RBFOX1: variants seen among roughly 807,000 people sequenced by gnomAD.
RBFOX1 encodes the protein RNA binding protein fox-1 homolog 1.
In RBFOX1, 8 loss-of-function variants were observed where a neutral mutation model predicts 57.7. The ratio of observed to expected loss-of-function variants is 0.14; its 90% CI spans 0.08 to 0.25. The LOEUF (loss-of-function observed/expected upper bound fraction) is 0.25, where lower values mean the gene tolerates loss of function less well. RBFOX1 is among the 10% of genes least tolerant of loss of function. The pLI, the probability that RBFOX1 is intolerant of heterozygous loss-of-function variation, is 1.00. For synonymous variants in RBFOX1, 326 were observed against 222.4 expected (o/e 1.47, Z -4.15); for missense variants, 611 against 548.5 (o/e 1.11, Z -1.14).
At chr16:7,437,633 T>A (rs1336795684) in intron 4 of RBFOX1, among the ~76,000 whole-genome samples, 1 of 152,110 alleles carries the variant, frequency 6.6e-6, no homozygotes, top group South Asian at 2.1e-4. Context: ...AGGCTGTAAT[T>A]AGAATAAGTC....
At chr16:6,353,225 C>T (rs967702859) in intron 2 of RBFOX1, among the ~76,000 whole-genome samples, 3 of 152,032 alleles carry the variant, frequency 2.0e-5, no homozygotes, top group African/African-American at 4.8e-5. Context: ...GAAATGCTGC[C>T]GCTTTTATCA....
rs558771352 is a variant in RBFOX1 at position 7,255,699 on chromosome 16, A to C, written c.27+203601A>C. ...TTTTAGTGGTTGAATTAAAAAAATAAATGCATGAAATGTTTGTTTTAATAA... is the reference window on the plus strand; with the variant it reads ...TTTTAGTGGTTGAATTAAAAAAATACATGCATGAAATGTTTGTTTTAATAA... On this transcript the variant is annotated intron_variant, in intron 4 of 15. Transcript: ENST00000550418. 2.5e-3 allele frequency among the ~76,000 whole-genome samples: 384 copies of C among 152,370 alleles called. 1 individual carries two copies. The highest frequency in any genetic ancestry group is 5.9e-3 in the African/African-American group (247 of 41,596).
At chr16:6,946,035 C>T (rs988904350) in intron 3 of RBFOX1, among the ~76,000 whole-genome samples, 1 of 152,212 alleles carries the variant, frequency 6.6e-6, no homozygotes, top group African/African-American at 2.4e-5. Flanking sequence ...TACACAGATG[C>T]TTCACTGGAA....
chr16:5,945,374 C>G (rs1288998050), intron 4 of RBFOX1, among the ~76,000 whole-genome samples: 2 of 152,148 alleles, frequency 1.3e-5, no homozygotes, highest in African/African-American at 4.8e-5. Flanking sequence ...AGCCATTATA[C>G]TTTGAGGAAT....
intron 2 of RBFOX1, among the ~76,000 whole-genome samples, chr16:6,362,523 G>C (rs142145611): frequency 2.6e-4 from 39 of 152,300 alleles, no homozygotes; most frequent in Middle Eastern, 3.4e-3. Flanking sequence ...GCATTTGTGT[G>C]CCAGGACATA....
At chr16:7,155,493 G>A (rs903973994) in intron 4 of RBFOX1, among the ~76,000 whole-genome samples, 1 of 151,436 alleles carries the variant, frequency 6.6e-6, no homozygotes, top group Non-Finnish European at 1.5e-5. Context: ...CTCCTTGGGA[G>A]GCTAAAATGG....
chr16:7,503,927 A>C (rs551112817), intron 4 of RBFOX1, among the ~76,000 whole-genome samples: 1 of 152,180 alleles, frequency 6.6e-6, no homozygotes, highest in African/African-American at 2.4e-5. Flanking sequence ...AGTACTTACT[A>C]CAGCTGAGCT....
intron 3 of RBFOX1, among the ~76,000 whole-genome samples, chr16:5,812,557 C>T (rs922998887): frequency 2.0e-5 from 3 of 151,060 alleles, no homozygotes; most frequent in African/African-American, 7.3e-5. Context: ...CTCCTGGGCT[C>T]AGGGGGATCT....
chr16:6,815,549 G>C (rs889745181), intron 3 of RBFOX1, among the ~76,000 whole-genome samples: 5 of 152,168 alleles, frequency 3.3e-5, no homozygotes, highest in African/African-American at 4.8e-5. Flanking sequence ...CATTATGCCA[G>C]TCTCTATCCA....
At chr16:5,484,336 C>A (rs1269562080) in intron 2 of RBFOX1, among the ~76,000 whole-genome samples, 5 of 152,214 alleles carry the variant, frequency 3.3e-5, no homozygotes, top group African/African-American at 1.2e-4. Context: ...ACAAACCCCT[C>A]CAGTAAGCAG....
chr16:7,135,123 T>C (rs1416617541), intron 4 of RBFOX1, among the ~76,000 whole-genome samples: 2 of 152,188 alleles, frequency 1.3e-5, no homozygotes, highest in East Asian at 3.8e-4. Context: ...ATGTCTGTTC[T>C]GTATGTTAGA....
intron 5 of RBFOX1, among the ~76,000 whole-genome samples, chr16:7,550,955 A>G (rs1025959469): frequency 1.3e-5 from 2 of 151,838 alleles, no homozygotes; most frequent in Admixed American, 1.3e-4. Flanking sequence ...TTAGCCGGGC[A>G]TGGTGGCGGG....
intron 1 of RBFOX1, among the ~76,000 whole-genome samples, chr16:6,081,985 A>G (rs887057198): frequency 1.3e-5 from 2 of 152,106 alleles, no homozygotes; most frequent in African/African-American, 4.8e-5. Flanking sequence ...TGTGTGGTTA[A>G]TATTTTGAGT....
chr16:6,396,880 A>G (rs943563917), intron 2 of RBFOX1, among the ~76,000 whole-genome samples: 1 of 152,224 alleles, frequency 6.6e-6, no homozygotes, highest in African/African-American at 2.4e-5. Flanking sequence ...AACTAGTTAT[A>G]TAAAAATGAA....
intron 4 of RBFOX1, among the ~76,000 whole-genome samples, chr16:7,101,273 G>A (rs1222777397): frequency 6.6e-6 from 1 of 152,184 alleles, no homozygotes; most frequent in Non-Finnish European, 1.5e-5. Context: ...TGCAGTGCCA[G>A]CTCGCCGCTA....
At chr16:7,690,210 G>A (rs985669490) in intron 14 of RBFOX1, among the ~76,000 whole-genome samples, 2 of 152,084 alleles carry the variant, frequency 1.3e-5, no homozygotes, top group African/African-American at 4.8e-5. Context: ...CCTCAGGAAT[G>A]GGCCCTATCA....
chr16:5,535,083 T>C (rs1025922601), intron 2 of RBFOX1, among the ~76,000 whole-genome samples: 37 of 152,304 alleles, frequency 2.4e-4, no homozygotes, highest in African/African-American at 7.0e-4. Context: ...AAAAATGTTA[T>C]AGAGGTGCAT....
chr16:5,338,560 A>G (rs8043630), intron 1 of RBFOX1, among the ~76,000 whole-genome samples: 2 of 152,140 alleles, frequency 1.3e-5, no homozygotes, highest in East Asian at 3.8e-4. Flanking sequence ...CATGTTTTTT[A>G]TGACTGAACA....
intron 4 of RBFOX1, among the ~76,000 whole-genome samples, chr16:7,314,990 C>T (rs1014971501): frequency 6.6e-5 from 10 of 152,082 alleles, no homozygotes; most frequent in African/African-American, 1.9e-4. Flanking sequence ...TTTTAACCTC[C>T]GCTTTTATTT....
Sources: allele counts gnomAD v4.1 joint callset (sites outside exome capture counted in the v4.1 genomes callset), GRCh38; gene constraint gnomAD v4.1.1; transcripts MANE v1.5; gene names NCBI Gene and HGNC (gene_info 2026-07-23, HGNC 2026-07-21).